MEIS2: variants seen among roughly 807,000 people sequenced by gnomAD.
MEIS2 encodes Meis homeobox 2.
MEIS2 carries 9 observed loss-of-function variants against 58.6 expected under a neutral mutation model. That is an observed-to-expected ratio of 0.15 (90% CI 0.09 to 0.27). MEIS2 has a LOEUF of 0.27. Ranked by LOEUF, MEIS2 falls within the 10% of genes least tolerant of loss-of-function variation. The probability of loss-of-function intolerance (pLI) is 1.00; values close to 1 mark genes in which losing one functional copy is unlikely to be tolerated. For missense variants in MEIS2, 427 were observed against 635.0 expected (o/e 0.67, Z 3.52); for synonymous variants, 221 against 228.4 (o/e 0.97, Z 0.29).
chr15:36,974,235 T>C (rs992874909), intron 8 of MEIS2, among the ~76,000 whole-genome samples: 1 of 152,208 alleles, frequency 6.6e-6, no homozygotes, highest in Non-Finnish European at 1.5e-5. Flanking sequence ...AACATCATAG[T>C]GAAATTCAAA....
intron 7 of MEIS2, among the ~76,000 whole-genome samples, chr15:37,082,126 G>A (rs1049990458): frequency 6.6e-6 from 1 of 152,126 alleles, no homozygotes; most frequent in African/African-American, 2.4e-5. Context: ...AATCTACAGA[G>A]AGGAGAAAAA....
At chr15:36,902,554 G>A (rs779171497) in intron 9 of MEIS2, among the ~76,000 whole-genome samples, 23 of 152,136 alleles carry the variant, frequency 1.5e-4, no homozygotes, top group East Asian at 3.9e-4. Flanking sequence ...ATACATTACC[G>A]TCCCCATTCC....
intron 8 of MEIS2, among the ~76,000 whole-genome samples, chr15:36,981,555 G>A (rs1278418008): frequency 2.0e-5 from 3 of 152,014 alleles, no homozygotes; most frequent in Admixed American, 2.0e-4. Flanking sequence ...TATACAGTGT[G>A]AGGCTTTGAT....
At chr15:36,913,250 A>C (rs1343469537) in intron 9 of MEIS2, among the ~76,000 whole-genome samples, 1 of 152,224 alleles carries the variant, frequency 6.6e-6, no homozygotes, top group Non-Finnish European at 1.5e-5. Flanking sequence ...GATGTTTTCA[A>C]GTTAATCCAT....
intron 8 of MEIS2, among the ~76,000 whole-genome samples, chr15:37,007,294 G>A (rs193184927): frequency 2.4e-3 from 370 of 152,208 alleles, no homozygotes; most frequent in African/African-American, 8.5e-3. Context: ...TCCAGGAGGC[G>A]GAGGTGGGAG....
At chr15:36,950,281 A>T (rs1244573128) in intron 9 of MEIS2, 43 bp downstream of exon 9, 3 of 1,472,732 alleles carry the variant, frequency 2.0e-6, no homozygotes, top group African/African-American at 1.4e-5. Context: ...TAGAAATCTC[A>T]TTTTAGCCAT....
chr15:36,989,520 G>A (rs1308447967), intron 8 of MEIS2, among the ~76,000 whole-genome samples: 1 of 152,170 alleles, frequency 6.6e-6, no homozygotes, highest in Non-Finnish European at 1.5e-5. Context: ...CACAGGGTCA[G>A]CTCGGACTAC....
At chr15:37,031,752 C>A (rs2141716156) in intron 8 of MEIS2, among the ~76,000 whole-genome samples, 1 of 150,314 alleles carries the variant, frequency 6.7e-6, no homozygotes, top group African/African-American at 2.4e-5. Flanking sequence ...TTGTCATGAA[C>A]AAAAGGCAGA....
At chr15:36,947,337 C>A (rs1043244564) in intron 9 of MEIS2, among the ~76,000 whole-genome samples, 1 of 151,976 alleles carries the variant, frequency 6.6e-6, no homozygotes, top group African/African-American at 2.4e-5. Flanking sequence ...TGCAAAGACA[C>A]AAGGCATCTT....
intron 7 of MEIS2, among the ~76,000 whole-genome samples, chr15:37,061,316 C>T (rs973486488): frequency 6.6e-6 from 1 of 152,150 alleles, no homozygotes; most frequent in Admixed American, 6.5e-5. Flanking sequence ...CTGCAATATA[C>T]CAGGTGCCCT....
intron 9 of MEIS2, among the ~76,000 whole-genome samples, chr15:36,947,114 A>C (rs1483214953): frequency 6.6e-6 from 1 of 151,960 alleles, no homozygotes; most frequent in Admixed American, 6.6e-5. Flanking sequence ...GCACACATTG[A>C]AGATCTGGTT....
intron 9 of MEIS2, among the ~76,000 whole-genome samples, chr15:36,921,344 C>T (rs1235008809): frequency 6.6e-6 from 1 of 152,178 alleles, no homozygotes; most frequent in African/African-American, 2.4e-5. Flanking sequence ...GAAGCATAAA[C>T]ATACATTCTG....
chr15:37,098,978 C>T, intron 1 of MEIS2: 1 of 984,838 alleles, frequency 1.0e-6, no homozygotes, highest in Non-Finnish European at 1.2e-6. Flanking sequence ...GGCTAGTAGT[C>T]TAGGCGGCGG....
chr15:36,967,398 C>T (rs2059391327), intron 8 of MEIS2, among the ~76,000 whole-genome samples: 1 of 152,094 alleles, frequency 6.6e-6, no homozygotes, highest in African/African-American at 2.4e-5. Context: ...GGACAGTGTC[C>T]TTTGCATTTT....
chr15:36,937,187 T>C lies in MEIS2; in HGVS notation c.977+13137A>G, dbSNP rs1003635275. Reference sequence around the variant, plus strand: ...ATTTAAATAGCAAAGGTATAGTGACTTGCAGATTCTCAAATTTGTCCCTCC... The same window carrying C: ...ATTTAAATAGCAAAGGTATAGTGACCTGCAGATTCTCAAATTTGTCCCTCC... On this transcript the variant is annotated intron_variant, in intron 9 of 11. Transcript: ENST00000561208. 3.3e-5 allele frequency among the ~76,000 whole-genome samples: 5 copies of C among 152,188 alleles called. No homozygotes were observed. The South Asian group carries it at 1.0e-3, about 32-fold the overall frequency.
chr15:37,057,127 G>A (rs781740532), intron 7 of MEIS2, among the ~76,000 whole-genome samples: 1 of 152,208 alleles, frequency 6.6e-6, no homozygotes, highest in Non-Finnish European at 1.5e-5. Context: ...CCTGTAACTG[G>A]AAGATTACCG....
intron 7 of MEIS2, among the ~76,000 whole-genome samples, chr15:37,071,933 T>C (rs867064823): frequency 1.3e-3 from 202 of 152,214 alleles, no homozygotes; most frequent in Admixed American, 6.4e-3. Flanking sequence ...TTGGTAGATA[T>C]GCATACTTCA....
At chr15:37,000,638 G>A (rs2060689100) in intron 8 of MEIS2, among the ~76,000 whole-genome samples, 1 of 151,902 alleles carries the variant, frequency 6.6e-6, no homozygotes, top group Non-Finnish European at 1.5e-5. Context: ...CTTCCACGTT[G>A]CCAAGGCTAT....
intron 8 of MEIS2, among the ~76,000 whole-genome samples, chr15:37,033,094 C>T (rs1367320794): frequency 2.0e-5 from 3 of 152,108 alleles, no homozygotes; most frequent in African/African-American, 7.2e-5. Context: ...CATATTGAGA[C>T]TAAGACTTAA....
Sources: gnomAD v4.1 joint callset for allele counts (sites outside exome capture counted in the v4.1 genomes callset) on GRCh38, gnomAD v4.1.1 for gene constraint, MANE v1.5 for transcripts, NCBI Gene and HGNC (gene_info 2026-07-23, HGNC 2026-07-21) for gene names.